Variants in SEMA6D observed in about 807,000 individuals in gnomAD.
The protein encoded by SEMA6D is semaphorin-6D.
Under a neutral mutation model 106.6 loss-of-function variants are expected in SEMA6D, and 35 were observed. The observed-to-expected ratio is 0.33, with a 90% CI of 0.25 to 0.44. The LOEUF (loss-of-function observed/expected upper bound fraction) is 0.44. Among genes scored for constraint, SEMA6D ranks in the 20% least tolerant of loss-of-function variants. SEMA6D has a pLI of 1.00. For missense variants in SEMA6D, 1,185 were observed against 1,345.9 expected, an observed-to-expected ratio of 0.88 and a Z score of 1.87; for synonymous variants, 499 against 487.7, an observed-to-expected ratio of 1.02 and a Z score of -0.31.
chr15:47,469,301 T>G (rs568086036), intron 2 of SEMA6D, among the ~76,000 whole-genome samples: 2 of 147,128 alleles, frequency 1.4e-5, no homozygotes, highest in Middle Eastern at 3.5e-3. Flanking sequence ...TGCTTTAAGG[T>G]GTGTGTGTGT....
intron 1 of SEMA6D, among the ~76,000 whole-genome samples, chr15:47,354,714 C>T (rs1055985968): frequency 1.3e-5 from 2 of 151,982 alleles, no homozygotes; most frequent in Admixed American, 6.6e-5. Flanking sequence ...GATACAGGCT[C>T]ATGGTAGTTC....
intron 2 of SEMA6D, among the ~76,000 whole-genome samples, chr15:47,416,018 T>A (rs2040955505): frequency 6.6e-6 from 1 of 152,174 alleles, no homozygotes; most frequent in African/African-American, 2.4e-5. Context: ...AGAAGAACGT[T>A]AACATAATGG....
intron 3 of SEMA6D, among the ~76,000 whole-genome samples, chr15:47,514,766 T>C (rs187681653): frequency 1.3e-5 from 2 of 152,266 alleles, no homozygotes; most frequent in Admixed American, 1.3e-4. Context: ...TGAAAAAGCT[T>C]TCAGTGGATC....
chr15:47,633,568 A>G (rs1156723728), intron 4 of SEMA6D, among the ~76,000 whole-genome samples: 2 of 152,100 alleles, frequency 1.3e-5, no homozygotes, highest in Non-Finnish European at 2.9e-5. Flanking sequence ...CTTTGTCTTC[A>G]GTTTTCAGAA....
intron 1 of SEMA6D, among the ~76,000 whole-genome samples, chr15:47,367,688 GCGCGCACACACACACA>G (rs1475167105): frequency 1.1e-4 from 5 of 44,194 alleles, no homozygotes; most frequent in African/African-American, 2.6e-4. Flanking sequence ...ACGCGCGCGC[GCGCGCACACACACACA>G]CACACACACA....
Position 47,186,609 on chromosome 15 carries a change from G to A in SEMA6D, c.-239+2191G>A, listed in dbSNP as rs187896395. Among the ~76,000 whole-genome samples, 251 of 151,758 alleles carry A rather than the reference G, an allele frequency of 1.7e-3. 4 individuals are homozygous for A. In the South Asian group the frequency reaches 0.026, roughly 16 times the overall value. On this transcript the variant is annotated intron_variant, in intron 1 of 19. Coordinates refer to the SEMA6D transcript ENST00000558014. ...TCAATGCCGTTCGTGCCCACTGAAT[G>A]CATTGGATTATCTTTTCAATTGTTC...
chr15:47,738,648 A>G (rs1184793256), intron 1 of SEMA6D, among the ~76,000 whole-genome samples: 4 of 152,208 alleles, frequency 2.6e-5, no homozygotes, highest in African/African-American at 9.7e-5. Flanking sequence ...ACTGACAGGA[A>G]AGAGCAGAGG....
intron 2 of SEMA6D, among the ~76,000 whole-genome samples, chr15:47,442,734 A>T (rs2041918853): frequency 6.6e-6 from 1 of 152,106 alleles, no homozygotes; most frequent in African/African-American, 2.4e-5. Context: ...TTGGAAGTGC[A>T]TTTGCCATGG....
intron 4 of SEMA6D, among the ~76,000 whole-genome samples, chr15:47,613,144 C>A (rs2076943860): frequency 2.0e-5 from 3 of 152,130 alleles, no homozygotes; most frequent in Admixed American, 6.6e-5. Context: ...TGTTTGCAAT[C>A]ACAGCATTGA....
At chr15:47,298,000 T>C (rs1316457044) in intron 1 of SEMA6D, among the ~76,000 whole-genome samples, 1 of 152,206 alleles carries the variant, frequency 6.6e-6, no homozygotes, top group Admixed American at 6.5e-5. Context: ...AACATTCTGA[T>C]CCTTATAGCC....
intron 3 of SEMA6D, among the ~76,000 whole-genome samples, chr15:47,506,256 G>A (rs2044033807): frequency 6.6e-6 from 1 of 152,096 alleles, no homozygotes; most frequent in African/African-American, 2.4e-5. Flanking sequence ...AAAATGCTTA[G>A]CATCCCAGGC....
chr15:47,751,933 G>C (rs2081461472), intron 1 of SEMA6D, among the ~76,000 whole-genome samples: 2 of 152,176 alleles, frequency 1.3e-5, no homozygotes, highest in South Asian at 2.1e-4. Context: ...GGCCACCATA[G>C]AGGGAAAGGA....
chr15:47,304,442 A>T (rs1275043961), intron 1 of SEMA6D, among the ~76,000 whole-genome samples: 1 of 40,678 alleles, frequency 2.5e-5, no homozygotes. Context: ...CTAAAAAAAA[A>T]AAAAAAAAAA....
intron 3 of SEMA6D, among the ~76,000 whole-genome samples, chr15:47,523,988 G>A (rs1047234541): frequency 1.3e-5 from 2 of 152,090 alleles, no homozygotes; most frequent in Admixed American, 6.6e-5. Context: ...AAACACCCTC[G>A]GCAGAGGACA....
intron 1 of SEMA6D, among the ~76,000 whole-genome samples, chr15:47,251,907 A>ATTTTT (rs994788645): frequency 1.5e-4 from 12 of 81,998 alleles, no homozygotes; most frequent in Non-Finnish European, 2.1e-4. Context: ...TTCTAATTGG[A>ATTTTT]TTTTTTTTTT....
At chr15:47,516,998 C>A (rs574129472) in intron 3 of SEMA6D, among the ~76,000 whole-genome samples, 14 of 152,294 alleles carry the variant, frequency 9.2e-5, no homozygotes, top group African/African-American at 3.4e-4. Context: ...GTGCAGAGAG[C>A]TGCTTTCTAG....
Position 47,296,669 on chromosome 15 carries a change from T to G in SEMA6D, c.-239+112251T>G, listed in dbSNP as rs150078569. 5.8e-3 allele frequency among the ~76,000 whole-genome samples: 877 copies of G among 152,336 alleles called. 13 individuals carry two copies. Among genetic ancestry groups the G allele is most frequent in the African/African-American group, 0.02 (832 of 41,586 alleles). The stretch of plus-strand genomic sequence containing the variant: ...TTCAGAAAGATGGGATATAATCTGG[T>G]GAGCGTTTTATCAAGATGTGAAGCT... On this transcript the variant is annotated intron_variant, in intron 1 of 19. Coordinates refer to the SEMA6D transcript ENST00000558014.
At chr15:47,225,817 A>G (rs1468457303) in intron 1 of SEMA6D, among the ~76,000 whole-genome samples, 2 of 152,076 alleles carry the variant, frequency 1.3e-5, no homozygotes, top group Non-Finnish European at 2.9e-5. Context: ...GGCGTGAGCC[A>G]CCGCGCCCAG....
intron 1 of SEMA6D, among the ~76,000 whole-genome samples, chr15:47,254,353 A>ATATATATATATATATATAT (rs1555411061): frequency 6.8e-6 from 1 of 147,708 alleles, no homozygotes; most frequent in African/African-American, 2.5e-5. Context: ...ATATATATAT[A>ATATATATATATATATATAT]AATGATTGTG....
Sources: gnomAD v4.1 joint callset for allele counts (sites outside exome capture counted in the v4.1 genomes callset) on GRCh38, gnomAD v4.1.1 for gene constraint, MANE v1.5 for transcripts, NCBI Gene and HGNC (gene_info 2026-07-23, HGNC 2026-07-21) for gene names.